The following ZBTB7C variants were observed in gnomAD, a reference collection of about 807,000 sequenced individuals.
ZBTB7C encodes the protein zinc finger and BTB domain-containing protein 7C.
ZBTB7C carries 8 observed loss-of-function variants against 25.7 expected under a neutral mutation model. The observed-to-expected ratio is 0.31, with a 90% confidence interval of 0.18 to 0.56. The LOEUF (loss-of-function observed/expected upper bound fraction) is 0.56, where lower values mean the gene tolerates loss of function less well. Ranked by LOEUF, ZBTB7C falls within the 20% of genes least tolerant of loss-of-function variation. The probability of loss-of-function intolerance (pLI) is 0.91; values close to 1 mark genes in which losing one functional copy is unlikely to be tolerated. For missense variants in ZBTB7C, 824 were observed against 855.2 expected, an observed-to-expected ratio of 0.96 and a Z score of 0.46; for synonymous variants, 394 against 369.0, an observed-to-expected ratio of 1.07 and a Z score of -0.78.
chr18:48,160,486 C>T (rs2040974238), intron 3 of ZBTB7C, among the ~76,000 whole-genome samples: 1 of 152,204 alleles, frequency 6.6e-6, no homozygotes, highest in Admixed American at 6.5e-5. Context: ...GGCAGGTCAT[C>T]TCCCGCTCTG....
At chr18:48,106,580 T>C (rs1598888580) in intron 3 of ZBTB7C, among the ~76,000 whole-genome samples, 1 of 151,916 alleles carries the variant, frequency 6.6e-6, no homozygotes, top group Non-Finnish European at 1.5e-5. Flanking sequence ...ACTTGAGGGG[T>C]GCTGTATTTG....
intron 3 of ZBTB7C, among the ~76,000 whole-genome samples, chr18:48,131,156 C>T (rs925796532): frequency 1.3e-5 from 2 of 152,188 alleles, no homozygotes; most frequent in Non-Finnish European, 2.9e-5. Flanking sequence ...CGCCCGCCTC[C>T]GCGTCCCAAA....
chr18:48,304,287 T>A (rs2045614968), intron 2 of ZBTB7C, among the ~76,000 whole-genome samples: 1 of 152,202 alleles, frequency 6.6e-6, no homozygotes, highest in Non-Finnish European at 1.5e-5. Context: ...TTGTATTACT[T>A]TACTGAGACC....
At chr18:48,222,532 T>G (rs1675569843) in intron 2 of ZBTB7C, among the ~76,000 whole-genome samples, 1 of 152,176 alleles carries the variant, frequency 6.6e-6, no homozygotes, top group African/African-American at 2.4e-5. Context: ...AGTAGTGCTT[T>G]CATCCACATT....
At chr18:48,187,372 C>T (rs766789580) in intron 2 of ZBTB7C, among the ~76,000 whole-genome samples, 44 of 152,172 alleles carry the variant, frequency 2.9e-4, no homozygotes, top group Non-Finnish European at 5.4e-4. Context: ...TTTTATTTAG[C>T]CTTAAAGTGG....
chr18:48,171,655 T>C (rs1350599223), intron 3 of ZBTB7C, among the ~76,000 whole-genome samples: 1 of 152,232 alleles, frequency 6.6e-6, no homozygotes, highest in Non-Finnish European at 1.5e-5. Flanking sequence ...GCTTGAGTCC[T>C]AGCTTGCTGT....
intron 4 of ZBTB7C, among the ~76,000 whole-genome samples, chr18:48,036,807 T>A (rs776426339): frequency 6.6e-6 from 1 of 152,050 alleles, no homozygotes; most frequent in Non-Finnish European, 1.5e-5. Context: ...AGGAATCGCG[T>A]TGGGGAATTC....
At chr18:48,261,779 C>T (rs1201743652) in intron 2 of ZBTB7C, among the ~76,000 whole-genome samples, 2 of 152,212 alleles carry the variant, frequency 1.3e-5, no homozygotes, top group African/African-American at 4.8e-5. Context: ...CCCAAATACC[C>T]CATTAACCAG....
chr18:48,239,946 A>T (rs1270203305), intron 2 of ZBTB7C, among the ~76,000 whole-genome samples: 2 of 152,206 alleles, frequency 1.3e-5, no homozygotes, highest in Non-Finnish European at 2.9e-5. Context: ...GGTGAAAACC[A>T]ACTTAAAGAA....
At chr18:48,259,942 A>G (rs935202510) in intron 2 of ZBTB7C, among the ~76,000 whole-genome samples, 3 of 152,242 alleles carry the variant, frequency 2.0e-5, no homozygotes, top group Admixed American at 1.3e-4. Flanking sequence ...TATTTTGGTA[A>G]GTAGTTTGGC....
At chr18:48,228,741 T>TCACACACA (rs1223661928) in intron 2 of ZBTB7C, among the ~76,000 whole-genome samples, 134 of 66,332 alleles carry the variant, frequency 2.0e-3, no homozygotes, top group Non-Finnish European at 3.2e-3. Flanking sequence ...TGTCTCTCTC[T>TCACACACA]CTCTCTCACA....
intron 3 of ZBTB7C, among the ~76,000 whole-genome samples, chr18:48,146,356 A>G (rs2040497158): frequency 6.6e-6 from 1 of 152,224 alleles, no homozygotes; most frequent in South Asian, 2.1e-4. Context: ...TTACTAGACC[A>G]TTTCTAAATA....
intron 3 of ZBTB7C, among the ~76,000 whole-genome samples, chr18:48,144,272 CCTT>C (rs1418284376): frequency 1.4e-5 from 2 of 146,338 alleles, no homozygotes; most frequent in African/African-American, 2.6e-5. Flanking sequence ...GAGCAAGACA[CCTT>C]CTCAAAAAAA....
intron 1 of ZBTB7C, among the ~76,000 whole-genome samples, chr18:48,356,931 A>G (rs1393383935): frequency 6.6e-6 from 1 of 152,056 alleles, no homozygotes; most frequent in Non-Finnish European, 1.5e-5. Context: ...ATCCTACACT[A>G]AACTTCTAAA....
intron 2 of ZBTB7C, among the ~76,000 whole-genome samples, chr18:48,231,394 A>G (rs1456070178): frequency 1.3e-5 from 2 of 152,080 alleles, no homozygotes; most frequent in African/African-American, 4.8e-5. Context: ...TGCAGAGAGG[A>G]GCTACCCACT....
intron 3 of ZBTB7C, among the ~76,000 whole-genome samples, chr18:48,165,857 TGGGTAAAGG>T (rs1295621510): frequency 6.6e-6 from 1 of 152,120 alleles, no homozygotes; most frequent in African/African-American, 2.4e-5. Flanking sequence ...TGAGGAAACT[TGGGTAAAGG>T]GTGGGGAGAG....
Position 48,263,322 on chromosome 18 carries a change from G to A in ZBTB7C, c.-79+74852C>T, listed in dbSNP as rs1050115995. Among the ~76,000 whole-genome samples the A allele has an allele frequency of 2.6e-5, 4 of 152,202 alleles. 1 individual carries two copies. Among genetic ancestry groups the A allele is most frequent in the Admixed American group, 2.6e-4 (4 of 15,286 alleles). On this transcript the variant is annotated intron_variant, in intron 2 of 4. Coordinates refer to ENST00000590800, the MANE Select transcript of ZBTB7C (RefSeq NM_001318841.2). ...AGCACCACTCACGTGGCACCAGCAC[G>A]AGCAACTCGTGTGGGCAGGGAGATG...
rs549792234 is a variant in ZBTB7C at position 48,207,705 on chromosome 18, C to T, written c.-78-21710G>A. On this transcript the variant is annotated intron_variant, in intron 2 of 4. Transcript: ENST00000590800. ...CGGAGCTCAAGCAATCCTCCCACCT[C>T]GGCCTCCCAAAACGTTGGGATTACA... Among the ~76,000 whole-genome samples the T allele has an allele frequency of 9.2e-4, 140 of 152,244 alleles. 2 individuals are homozygous for T. The highest frequency in any genetic ancestry group is 3.2e-3 in the African/African-American group (132 of 41,552).
At chr18:48,382,550 G>A (rs186923095) in intron 1 of ZBTB7C, among the ~76,000 whole-genome samples, 67 of 152,262 alleles carry the variant, frequency 4.4e-4, no homozygotes, top group Admixed American at 2.1e-3. Flanking sequence ...CCTCGGTGAC[G>A]ACACTCCTTC....
Sources: allele counts gnomAD v4.1 joint callset (sites outside exome capture counted in the v4.1 genomes callset), GRCh38; gene constraint gnomAD v4.1.1; transcripts MANE v1.5; gene names NCBI Gene and HGNC (gene_info 2026-07-23, HGNC 2026-07-21).